PDE8B: variants seen among roughly 807,000 people sequenced by gnomAD.
PDE8B encodes the protein high affinity cAMP-specific and IBMX-insensitive 3',5'-cyclic phosphodiesterase 8B.
In PDE8B, 26 loss-of-function variants were observed where a neutral mutation model predicts 101.3. The observed-to-expected ratio is 0.26, with a 90% CI of 0.19 to 0.36. The LOEUF is 0.36. Ranked by LOEUF, PDE8B falls within the 10% of genes least tolerant of loss-of-function variation. PDE8B has a pLI of 1.00. For synonymous variants in PDE8B, 424 were observed against 429.3 expected, an observed-to-expected ratio of 0.99 and a Z score of 0.15; for missense variants, 810 against 1,163.1, an observed-to-expected ratio of 0.70 and a Z score of 4.42.
In PDE8B at chr5:77,231,037, T is replaced by C. The variant is rs115519408; in HGVS notation, c.339+19773T>C. On this transcript the variant is annotated intron_variant, in intron 1 of 21. Transcript: ENST00000264917. The stretch of plus-strand genomic sequence containing the variant: ...GAAGTTTAGCATTAACCCCAAATCA[T>C]TGGAAGCACTAGAATTAAATGTGGG... Among the ~76,000 whole-genome samples the C allele has an allele frequency of 3.0e-3, 463 of 152,302 alleles. 3 individuals carry two copies. Among genetic ancestry groups the C allele is most frequent in the Non-Finnish European group, 3.7e-3 (250 of 68,016 alleles).
intron 2 of PDE8B, among the ~76,000 whole-genome samples, chr5:77,318,184 C>T (rs531291365): frequency 6.6e-6 from 1 of 151,936 alleles, no homozygotes; most frequent in Admixed American, 6.6e-5. Flanking sequence ...CACATGGCCT[C>T]ATAGGGAGCT....
chr5:77,421,113 C>G (rs1223522869), intron 19 of PDE8B, among the ~76,000 whole-genome samples: 7 of 152,188 alleles, frequency 4.6e-5, no homozygotes, highest in African/African-American at 1.4e-4. Context: ...TGGCTCAGGA[C>G]ACTGACATCA....
At chr5:77,099,477 C>T in the PDE8B span, among the ~76,000 whole-genome samples, 19 of 152,298 alleles carry the variant, frequency 1.2e-4, no homozygotes, top group African/African-American at 4.6e-4. Context: ...ATGTGGTCTG[C>T]GGTTCCCATG....
chr5:77,376,361 G>A (rs11750710), intron 10 of PDE8B, among the ~76,000 whole-genome samples: 43,379 of 152,056 alleles, frequency 0.29, 6,384 homozygotes, highest in Middle Eastern at 0.38. Context: ...GAACTAGTTC[G>A]CTGAGAGCCA....
chr5:77,427,094 A>C lies in PDE8B; in HGVS notation c.*540A>C. The C allele has an allele frequency of 6.2e-6, 1 of 161,290 alleles. No homozygotes were observed. Among genetic ancestry groups the C allele is most frequent in the Admixed American group, 5.8e-5 (1 of 17,116 alleles). The allele number at this position is 161,290 out of a possible 1,614,324, so 10.0% of individuals were successfully genotyped here. On this transcript the variant is annotated 3_prime_UTR_variant, in exon 22 of 22. Coordinates refer to ENST00000264917, the MANE Select transcript of PDE8B (RefSeq NM_003719.5). The stretch of plus-strand genomic sequence containing the variant: ...AACAACTAGGACCAAATTACAGATA[A>C]ACTAGTTAGCTTCACAGCCTCTATG...
chr5:77,236,154 A>T (rs1017197101), intron 1 of PDE8B, among the ~76,000 whole-genome samples: 1 of 152,234 alleles, frequency 6.6e-6, no homozygotes, highest in Admixed American at 6.5e-5. Flanking sequence ...AATACCCCAG[A>T]CAGTGGGAGG....
intron 1 of PDE8B, among the ~76,000 whole-genome samples, chr5:77,236,415 A>T (rs575527049): frequency 6.6e-6 from 1 of 152,222 alleles, no homozygotes; most frequent in Non-Finnish European, 1.5e-5. Context: ...CAGAAGTTAG[A>T]GGCTGGGTTG....
intron 10 of PDE8B, among the ~76,000 whole-genome samples, chr5:77,377,155 A>T (rs549098393): frequency 5.3e-5 from 8 of 152,242 alleles, no homozygotes; most frequent in Non-Finnish European, 8.8e-5. Flanking sequence ...AGCACCCCAC[A>T]TATGCTCAAC....
At chr5:77,178,480 T>C in the PDE8B span, among the ~76,000 whole-genome samples, 1 of 152,192 alleles carries the variant, frequency 6.6e-6, no homozygotes, top group Non-Finnish European at 1.5e-5. Flanking sequence ...TACCCAGGCC[T>C]AAAAAGACTA....
At chr5:77,092,600 C>G in the PDE8B span, 1 of 152,178 alleles carries the variant, frequency 6.6e-6, no homozygotes. Flanking sequence ...GAAATTACAG[C>G]CTTGAAATCT....
the PDE8B span, chr5:77,147,834 C>T: frequency 6.6e-6 from 1 of 152,122 alleles, no homozygotes; most frequent in African/African-American, 2.4e-5. Flanking sequence ...TGACCCCAGC[C>T]AAATCTCTGA....
chr5:77,423,215 T>C (rs966515205), intron 20 of PDE8B, among the ~76,000 whole-genome samples: 4 of 152,250 alleles, frequency 2.6e-5, no homozygotes, highest in African/African-American at 9.6e-5. Flanking sequence ...GGCTGCATAG[T>C]ATTCCATGGT....
At chr5:77,378,562 T>C (rs1033995348) in intron 10 of PDE8B, among the ~76,000 whole-genome samples, 13 of 151,756 alleles carry the variant, frequency 8.6e-5, no homozygotes, top group African/African-American at 3.1e-4. Flanking sequence ...TAGTGTGTAA[T>C]TGAATCACCT....
intron 1 of PDE8B, among the ~76,000 whole-genome samples, chr5:77,310,398 C>T (rs1299138744): frequency 1.3e-5 from 2 of 152,254 alleles, no homozygotes; most frequent in African/African-American, 4.8e-5. Context: ...CTGGTCCTCT[C>T]CCAGTAGAGT....
chr5:77,254,622 T>TA (rs1427356382), intron 1 of PDE8B, among the ~76,000 whole-genome samples: 15 of 152,206 alleles, frequency 9.9e-5, no homozygotes, highest in Non-Finnish European at 7.3e-5. Context: ...CCTATCAAGT[T>TA]TCGATTTTGT....
In PDE8B at chr5:77,329,029, A is replaced by G. The variant is rs1448035511; in HGVS notation, c.622A>G (p.Thr208Ala). 3.1e-6 allele frequency: 5 copies of G among 1,614,090 alleles called. No individual in the cohort carries two copies. In the East Asian group the frequency reaches 1.1e-4, roughly 36 times the overall value. The change falls in exon 4 of 22, where the codon ACG becomes GCG. Residue 208 changes from threonine to alanine, a missense_variant. Transcript: ENST00000264917. The part of the protein sequence containing the change: ...SIRATNPSEH[T>A]VILAVVSRVS... ...CCGGGCCACAAATCCCTCCGAGCAC[A>G]CGGTGATCCTCGCAGTGGTTTCGCG...
chr5:77,291,921 A>G, intron 1 of PDE8B: 1 of 876,762 alleles, frequency 1.1e-6, no homozygotes, highest in Non-Finnish European at 1.8e-6. Flanking sequence ...ACAGTGACTA[A>G]TCCCCCTATG....
the PDE8B span, among the ~76,000 whole-genome samples, chr5:77,126,297 AAGTT>A: frequency 2.6e-5 from 4 of 152,110 alleles, no homozygotes; most frequent in East Asian, 1.9e-4. Context: ...AAAAAAAAAA[AAGTT>A]AGTTACTACT....
intron 9 of PDE8B, among the ~76,000 whole-genome samples, chr5:77,352,100 G>A (rs921274241): frequency 6.6e-6 from 1 of 152,178 alleles, no homozygotes; most frequent in African/African-American, 2.4e-5. Context: ...TTTGTAATTT[G>A]AAGCTCCCTT....
Sources: allele counts gnomAD v4.1 joint callset (sites outside exome capture counted in the v4.1 genomes callset), GRCh38; gene constraint gnomAD v4.1.1; transcripts MANE v1.5; gene names NCBI Gene and HGNC (gene_info 2026-07-23, HGNC 2026-07-21).